Variants in NSD1 observed in about 807,000 individuals in gnomAD.
The protein encoded by NSD1 is histone-lysine N-methyltransferase, H3 lysine-36 specific.
A neutral mutation model predicts 242.7 loss-of-function variants in NSD1; 26 were observed. That is an observed-to-expected ratio of 0.11 (90% confidence interval 0.08 to 0.15). The LOEUF is 0.15. Among genes scored for constraint, NSD1 ranks in the 10% least tolerant of loss-of-function variants. The pLI is 1.00. For missense variants in NSD1, 2,495 were observed against 3,272.8 expected, an observed-to-expected ratio of 0.76 and a Z score of 5.80; for synonymous variants, 1,106 against 1,178.1, an observed-to-expected ratio of 0.94 and a Z score of 1.25.
intron 3 of NSD1, among the ~76,000 whole-genome samples, chr5:177,202,318 G>T (rs968254979): frequency 6.6e-6 from 1 of 152,066 alleles, no homozygotes; most frequent in African/African-American, 2.4e-5. Context: ...GTCAGACAGT[G>T]AGTTCTTTTT....
chr5:177,199,056 A>G (rs1762314454), intron 3 of NSD1, among the ~76,000 whole-genome samples: 1 of 152,240 alleles, frequency 6.6e-6, no homozygotes. Context: ...AAAGCGATAC[A>G]CATTAAATAG....
chr5:177,142,752 T>C (rs1028996050), intron 2 of NSD1, among the ~76,000 whole-genome samples: 2 of 152,240 alleles, frequency 1.3e-5, no homozygotes, highest in Non-Finnish European at 2.9e-5. Context: ...GTCTATCCTG[T>C]GTAAAATTAC....
chr5:177,282,055 C>T (rs879477130), intron 18 of NSD1, among the ~76,000 whole-genome samples: 6 of 152,178 alleles, frequency 3.9e-5, no homozygotes, highest in Non-Finnish European at 8.8e-5. Flanking sequence ...GTGACTGTAG[C>T]ATAATGAATA....
chr5:177,257,185 A>G, intron 13 of NSD1, 34 bp downstream of exon 13: 1 of 1,548,682 alleles, frequency 6.5e-7, no homozygotes, highest in Non-Finnish European at 8.9e-7. Context: ...GTCTAATTGT[A>G]AAACCTCAGT....
At chr5:177,266,472 G>A (rs1294328003) in intron 14 of NSD1, 4 of 619,640 alleles carry the variant, frequency 6.5e-6, no homozygotes, top group Non-Finnish European at 1.2e-5. Context: ...CGAAGTGGGC[G>A]TAGGAGTCAA....
At chr5:177,251,485 T>C (rs1755957916) in intron 11 of NSD1, among the ~76,000 whole-genome samples, 1 of 152,146 alleles carries the variant, frequency 6.6e-6, no homozygotes, top group African/African-American at 2.4e-5. Context: ...CTTGAACTCG[T>C]TTTCCATGTA....
In NSD1 at chr5:177,250,816, A is replaced by C. The variant is rs571764666; in HGVS notation, c.4642-914A>C. Among the ~76,000 whole-genome samples, 6 of 152,258 alleles carry C rather than the reference A, an allele frequency of 3.9e-5. No homozygotes were observed. In the South Asian group the frequency reaches 1.2e-3, roughly 32 times the overall value. On this transcript the variant is annotated intron_variant, in intron 11 of 22. Transcript: ENST00000439151. ...TTTGATTCTTAAGTGATCAAGACCT[A>C]TTCTGTTTCTATGAGTTCTTGAAGC...
intron 2 of NSD1, among the ~76,000 whole-genome samples, chr5:177,152,483 T>C (rs1359352146): frequency 6.8e-6 from 1 of 147,076 alleles, no homozygotes; most frequent in Non-Finnish European, 1.5e-5. Flanking sequence ...ATTCTTTTTT[T>C]TTTTTTTTTT....
chr5:177,153,460 T>C (rs538859399), intron 2 of NSD1, among the ~76,000 whole-genome samples: 6 of 152,020 alleles, frequency 3.9e-5, no homozygotes, highest in Non-Finnish European at 8.8e-5. Context: ...TTGATGAAAA[T>C]GATTTCTACT....
chr5:177,265,821 C>T (rs981858900), intron 14 of NSD1: 3 of 1,397,856 alleles, frequency 2.1e-6, no homozygotes, highest in East Asian at 2.3e-5. Context: ...TGCGTAAACT[C>T]GATGTTGAAG....
chr5:177,173,995 T>C (rs1016251961), intron 2 of NSD1, among the ~76,000 whole-genome samples: 3 of 152,226 alleles, frequency 2.0e-5, no homozygotes, highest in African/African-American at 7.2e-5. Context: ...GTGGGAAGGA[T>C]ATTTTAGTGT....
chr5:177,144,808 G>A (rs970177846), intron 2 of NSD1, among the ~76,000 whole-genome samples: 4 of 152,048 alleles, frequency 2.6e-5, no homozygotes, highest in African/African-American at 7.2e-5. Context: ...TTGGCCGGGC[G>A]CGGTGGTTCA....
rs1554184218 is a variant in NSD1 at position 177,185,797 on chromosome 5, A to ATATATT, written c.928-6082_928-6081insTTATAT. Among the ~76,000 whole-genome samples the ATATATT allele has an allele frequency of 1.3e-3, 120 of 91,054 alleles. 1 individual carries two copies. Among genetic ancestry groups the ATATATT allele is most frequent in the African/African-American group, 5.0e-3 (104 of 20,942 alleles). 59.7% of individuals were successfully genotyped at this position (91,054 alleles called of 152,430 possible). On this transcript the variant is annotated intron_variant, in intron 2 of 22. Transcript: ENST00000439151. ...TATATTATATATGTATATTATATATATATATATATAAATTTATATATATAA... is the reference window on the plus strand; with the variant it reads ...TATATTATATATGTATATTATATATATATATTTATATATATAAATTTATATATATAA...
rs191293800 is a variant in NSD1, at chr5:177,152,910, T to G, written c.927+16880T>G. On this transcript the variant is annotated intron_variant, in intron 2 of 22. Coordinates refer to ENST00000439151, the MANE Select transcript of NSD1 (RefSeq NM_022455.5). ...CATGTTGGACAGGCTGGTCTCAAAC[T>G]CCTGGCCTCAAGTGATCCACCCTCC... Among the ~76,000 whole-genome samples, 867 of 152,118 alleles carry G rather than the reference T, an allele frequency of 5.7e-3. 9 individuals are homozygous for G. Among genetic ancestry groups the G allele is most frequent in the African/African-American group, 0.02 (822 of 41,506 alleles).
chr5:177,158,000 C>G (rs1252473096), intron 2 of NSD1, among the ~76,000 whole-genome samples: 1 of 152,218 alleles, frequency 6.6e-6, no homozygotes, highest in Non-Finnish European at 1.5e-5. Flanking sequence ...GTCTTTTCAT[C>G]ACTTGACGGA....
chr5:177,265,765 C>G, intron 14 of NSD1: 2 of 1,505,726 alleles, frequency 1.3e-6, no homozygotes, highest in Non-Finnish European at 1.8e-6. Flanking sequence ...TGTACAGGGA[C>G]TCGGGTATGG....
At chr5:177,267,106 C>T (rs183118596) in intron 14 of NSD1, among the ~76,000 whole-genome samples, 293 of 152,302 alleles carry the variant, frequency 1.9e-3, no homozygotes, top group African/African-American at 6.8e-3. Flanking sequence ...GATCCACCTG[C>T]TGCAGCCTTC....
At chr5:177,174,599 C>T (rs1581206274) in intron 2 of NSD1, among the ~76,000 whole-genome samples, 1 of 151,840 alleles carries the variant, frequency 6.6e-6, no homozygotes, top group East Asian at 1.9e-4. Context: ...GCTCTTGTCA[C>T]CCAGGCTGGA....
intron 3 of NSD1, among the ~76,000 whole-genome samples, chr5:177,201,932 C>T (rs964012533): frequency 1.3e-5 from 2 of 151,314 alleles, no homozygotes; most frequent in African/African-American, 2.4e-5. Context: ...TTTGGGAGGC[C>T]GAGGCGGGCG....
Sources: allele counts gnomAD v4.1 joint callset (sites outside exome capture counted in the v4.1 genomes callset), GRCh38; gene constraint gnomAD v4.1.1; transcripts MANE v1.5; gene names NCBI Gene and HGNC (gene_info 2026-07-23, HGNC 2026-07-21).